Variants in OLA1 observed in about 807,000 individuals in gnomAD.
OLA1 encodes the protein Obg like ATPase 1.
OLA1 carries 14 observed loss-of-function variants against 48.4 expected under a neutral mutation model. The observed-to-expected ratio is 0.29, with a 90% CI of 0.19 to 0.45. The LOEUF is 0.45. Among genes scored for constraint, OLA1 ranks in the 20% least tolerant of loss-of-function variants. OLA1 has a pLI of 1.00. For synonymous variants in OLA1, 127 were observed against 150.4 expected, an observed-to-expected ratio of 0.84 and a Z score of 1.14; for missense variants, 325 against 467.1, an observed-to-expected ratio of 0.70 and a Z score of 2.80.
At chr2:174,175,750 A>G (rs765797954) in intron 4 of OLA1, among the ~76,000 whole-genome samples, 2 of 152,100 alleles carry the variant, frequency 1.3e-5, no homozygotes, top group Non-Finnish European at 2.9e-5. Context: ...ATATATCCAT[A>G]CAAACATTTC....
chr2:174,222,142 A>G (rs1235522131), intron 4 of OLA1, among the ~76,000 whole-genome samples: 2 of 152,164 alleles, frequency 1.3e-5, no homozygotes, highest in Non-Finnish European at 2.9e-5. Context: ...GATTCTAGGC[A>G]AACAAATCTT....
chr2:174,200,092 T>C (rs1290354558), intron 4 of OLA1, among the ~76,000 whole-genome samples: 1 of 152,200 alleles, frequency 6.6e-6, no homozygotes, highest in Non-Finnish European at 1.5e-5. Context: ...TGTACACATA[T>C]AATGGGTTTA....
At chr2:174,127,986 A>T (rs1208147763) in intron 5 of OLA1, among the ~76,000 whole-genome samples, 1 of 151,960 alleles carries the variant, frequency 6.6e-6, no homozygotes, top group African/African-American at 2.4e-5. Flanking sequence ...AGGGTAAAAA[A>T]ATGTTTAGGG....
chr2:174,153,245 T>C (rs1285160707), intron 4 of OLA1, among the ~76,000 whole-genome samples: 7 of 152,120 alleles, frequency 4.6e-5, no homozygotes, highest in African/African-American at 1.7e-4. Flanking sequence ...TAAACAGATA[T>C]TTAGCATAGG....
chr2:174,194,771 AC>A (rs1165233380), intron 4 of OLA1, among the ~76,000 whole-genome samples: 3 of 152,118 alleles, frequency 2.0e-5, no homozygotes, highest in Admixed American at 2.0e-4. Context: ...TTTCGATTGC[AC>A]CCTTTAGTGA....
intron 4 of OLA1, among the ~76,000 whole-genome samples, chr2:174,201,920 T>C (rs1160161349): frequency 1.3e-5 from 2 of 152,192 alleles, no homozygotes; most frequent in African/African-American, 2.4e-5. Flanking sequence ...TGGGTAGTTA[T>C]AAAAATGACA....
At chr2:174,150,580 C>A (rs1042545580) in intron 4 of OLA1, among the ~76,000 whole-genome samples, 2 of 152,150 alleles carry the variant, frequency 1.3e-5, no homozygotes. Flanking sequence ...CATATTCTAC[C>A]ACTATACAAT....
At chr2:174,144,241 A>G (rs1383146106) in intron 4 of OLA1, among the ~76,000 whole-genome samples, 4 of 152,150 alleles carry the variant, frequency 2.6e-5, no homozygotes, top group Non-Finnish European at 1.5e-5. Context: ...TCCCCCTACT[A>G]TAAGAAAAAA....
chr2:174,136,760 C>T (rs1254592961), intron 5 of OLA1, among the ~76,000 whole-genome samples: 1 of 151,976 alleles, frequency 6.6e-6, no homozygotes, highest in Non-Finnish European at 1.5e-5. Flanking sequence ...CAACCTCAGC[C>T]TCCCAGGTTC....
At chr2:174,244,764 A>G (rs1689091103) in intron 2 of OLA1, among the ~76,000 whole-genome samples, 1 of 151,962 alleles carries the variant, frequency 6.6e-6, no homozygotes, top group Non-Finnish European at 1.5e-5. Flanking sequence ...ATCTGGAATT[A>G]CAGGCTCCTG....
intron 7 of OLA1, among the ~76,000 whole-genome samples, chr2:174,103,761 C>G (rs922866806): frequency 1.3e-5 from 2 of 152,088 alleles, no homozygotes; most frequent in Admixed American, 6.6e-5. Context: ...AATTTAAATT[C>G]TTACAAGACA....
chr2:174,178,599 G>C (rs1052050304), intron 4 of OLA1, among the ~76,000 whole-genome samples: 9 of 151,896 alleles, frequency 5.9e-5, no homozygotes, highest in African/African-American at 2.2e-4. Context: ...CGTTATGTCA[G>C]CTAACTTAAA....
chr2:174,118,960 ATT>A (rs1397477347), intron 7 of OLA1, among the ~76,000 whole-genome samples: 3 of 152,130 alleles, frequency 2.0e-5, no homozygotes, highest in Non-Finnish European at 4.4e-5. Flanking sequence ...GCACTACTGT[ATT>A]GTTATCTCTC....
intron 4 of OLA1, among the ~76,000 whole-genome samples, chr2:174,168,837 T>C (rs1040772382): frequency 5.9e-5 from 9 of 151,508 alleles, no homozygotes; most frequent in Admixed American, 4.0e-4. Context: ...TTAAGATGAC[T>C]GAGGAAAAGA....
intron 10 of OLA1, 77 bp downstream of exon 10, chr2:174,078,891 T>C: frequency 7.0e-7 from 1 of 1,423,776 alleles, no homozygotes; most frequent in South Asian, 1.4e-5. Flanking sequence ...AAAAGATAAT[T>C]ATCATTCATT....
chr2:174,206,807 T>C (rs190203548), intron 4 of OLA1, among the ~76,000 whole-genome samples: 14 of 152,282 alleles, frequency 9.2e-5, no homozygotes, highest in Admixed American at 3.3e-4. Context: ...ACTTAACCCA[T>C]TGAATTTGTA....
intron 5 of OLA1, among the ~76,000 whole-genome samples, chr2:174,128,084 C>T (rs968098639): frequency 4.0e-5 from 6 of 151,528 alleles, no homozygotes; most frequent in African/African-American, 1.5e-4. Context: ...CACAAGAAGA[C>T]AGATATAGAT....
intron 3 of OLA1, among the ~76,000 whole-genome samples, chr2:174,225,553 A>C (rs1245509558): frequency 6.6e-6 from 1 of 152,162 alleles, no homozygotes; most frequent in East Asian, 1.9e-4. Flanking sequence ...CCCTCTCAAA[A>C]AAAAAAGCTT....
intron 7 of OLA1, among the ~76,000 whole-genome samples, chr2:174,105,686 TG>T (rs1685498663): frequency 6.6e-6 from 1 of 152,056 alleles, no homozygotes; most frequent in Non-Finnish European, 1.5e-5. Flanking sequence ...ATAATCTGTT[TG>T]CTGATAAGTT....
Sources: allele counts gnomAD v4.1 joint callset (sites outside exome capture counted in the v4.1 genomes callset), GRCh38; gene constraint gnomAD v4.1.1; transcripts MANE v1.5; gene names NCBI Gene and HGNC (gene_info 2026-07-23, HGNC 2026-07-21).